PCDHGB1: variants seen among roughly 807,000 people sequenced by gnomAD.
PCDHGB1 encodes protocadherin gamma subfamily B, 1.
A neutral mutation model predicts 56.6 loss-of-function variants in PCDHGB1; 34 were observed. The ratio of observed to expected loss-of-function variants is 0.60; its 90% CI spans 0.46 to 0.80. PCDHGB1 has a LOEUF of 0.80. Ranked by LOEUF, PCDHGB1 falls within the 30% of genes least tolerant of loss-of-function variation. The pLI, the probability that PCDHGB1 is intolerant of heterozygous loss-of-function variation, is 0.00. For missense variants in PCDHGB1, 1,278 were observed against 1,204.6 expected (o/e 1.06, Z -0.90); for synonymous variants, 561 against 505.9 (o/e 1.11, Z -1.46).
In PCDHGB1 at chr5:141,432,113, T is replaced by G. The variant is rs1174697940; in HGVS notation, c.2410-62694T>G. 1 of 1,614,078 alleles carries G rather than the reference T, an allele frequency of 6.2e-7. No homozygotes were observed. The highest frequency in any genetic ancestry group is 8.5e-7 in the Non-Finnish European group (1 of 1,180,006). On this transcript the variant is annotated intron_variant, in intron 1 of 3. Coordinates refer to ENST00000523390, the MANE Select transcript of PCDHGB1 (RefSeq NM_018922.3). The surrounding 1 kb of genome is among the most constrained non-coding windows in gnomAD (Gnocchi z 6.0). ...AGACACCAACGACAACCCGCCGGTC[T>G]TCCCTCAGGCCTCCTATTCCGCTTA... is the stretch of plus-strand genomic sequence containing the variant.
intron 1 of PCDHGB1, among the ~76,000 whole-genome samples, chr5:141,466,558 C>T (rs1407160827): frequency 6.6e-6 from 1 of 152,120 alleles, no homozygotes; most frequent in Non-Finnish European, 1.5e-5. Flanking sequence ...CTGTGGGCTT[C>T]ATCTTCAACA....
chr5:141,415,761 T>G (rs1047830043), intron 1 of PCDHGB1: 49 of 1,399,492 alleles, frequency 3.5e-5, no homozygotes, highest in Admixed American at 1.6e-4. Context: ...TTTTTTTTTT[T>G]TTTTTTTTTT....
intron 1 of PCDHGB1, among the ~76,000 whole-genome samples, chr5:141,459,111 A>G (rs2098961190): frequency 1.3e-5 from 2 of 152,218 alleles, no homozygotes; most frequent in Non-Finnish European, 2.9e-5. Flanking sequence ...CATTTTGACA[A>G]TTGTTTACAT....
rs1045001776 is a variant in PCDHGB1 at position 141,356,756 on chromosome 5, C to T, written c.2409+4087C>T. 3.1e-6 allele frequency: 5 copies of T among 1,613,976 alleles called. No homozygotes were observed. In the South Asian group the frequency reaches 4.4e-5, roughly 14 times the overall value. On this transcript the variant is annotated intron_variant, in intron 1 of 3. Coordinates refer to ENST00000523390, the MANE Select transcript of PCDHGB1 (RefSeq NM_018922.3). ...ACAGGGATCCTATATGCTCTTTGCT[C>T]CTTCGACTATGAGCAGTTTAGAGAC...
chr5:141,420,022 T>A, intron 1 of PCDHGB1: 3 of 1,614,104 alleles, frequency 1.9e-6, no homozygotes, highest in Middle Eastern at 3.3e-4. Flanking sequence ...CTTTCAGCCC[T>A]ACTGCAGGAG....
intron 1 of PCDHGB1, chr5:141,382,927 T>G: frequency 6.3e-7 from 1 of 1,579,076 alleles, no homozygotes; most frequent in Non-Finnish European, 8.6e-7. Context: ...GGGCGGGGAC[T>G]ACAGAGGATT....
At chr5:141,405,218 G>T in intron 1 of PCDHGB1, 1 of 1,613,986 alleles carries the variant, frequency 6.2e-7, no homozygotes, top group Non-Finnish European at 8.5e-7. Flanking sequence ...CTATTCTCAG[G>T]AGTTCTCCCT....
Position 141,493,760 on chromosome 5 carries a change from G to C in PCDHGB1, c.2410-1047G>C, listed in dbSNP as rs1268832909. On this transcript the variant is annotated intron_variant, in intron 1 of 3. Coordinates refer to ENST00000523390, the MANE Select transcript of PCDHGB1 (RefSeq NM_018922.3). The surrounding 1 kb of genome is among the most constrained non-coding windows in gnomAD (Gnocchi z 4.3). ...ACTGCCACCTGTGAGCCTTGAGTGA[G>C]CCACTGGCAGTTCCGGAGCTTCCTT... Among the ~76,000 whole-genome samples, 1 of 152,166 alleles carries C rather than the reference G, an allele frequency of 6.6e-6. No individual in the cohort carries two copies. The highest frequency in any genetic ancestry group is 1.5e-5 in the Non-Finnish European group (1 of 68,022).
chr5:141,421,923 G>T (rs2096611568), intron 1 of PCDHGB1: 1 of 1,613,590 alleles, frequency 6.2e-7, no homozygotes. Flanking sequence ...TTCGTGTGGT[G>T]GTCCTCGATG....
intron 1 of PCDHGB1, chr5:141,384,422 A>C: frequency 6.2e-7 from 1 of 1,613,924 alleles, no homozygotes; most frequent in Non-Finnish European, 8.5e-7. Flanking sequence ...GTCTCCATAA[A>C]CTCTGACACT....
At position 141,487,385 on chromosome 5, in the gene PCDHGB1, CGAA is replaced by C; in HGVS notation, c.2410-7420_2410-7418del. 6.2e-7 allele frequency: 1 copy of C among 1,614,160 alleles called. No individual in the cohort carries two copies. The highest frequency in any genetic ancestry group is 8.5e-7 in the Non-Finnish European group (1 of 1,180,046). On this transcript the variant is annotated intron_variant, in intron 1 of 3. Coordinates refer to ENST00000523390, the MANE Select transcript of PCDHGB1 (RefSeq NM_018922.3). The surrounding 1 kb of genome is among the most constrained non-coding windows in gnomAD (Gnocchi z 5.0). ...CACCTGTGCCTGTCTCACCAGATCTCGAAGGAGGGAGGGGCTTCCCCCTTCCAA... is the reference window on the plus strand; with the variant it reads ...CACCTGTGCCTGTCTCACCAGATCTCGGAGGGAGGGGCTTCCCCCTTCCAA...
chr5:141,372,221 G>A (rs1229058896), intron 1 of PCDHGB1: 1 of 1,613,398 alleles, frequency 6.2e-7, no homozygotes, highest in African/African-American at 1.3e-5. Context: ...ACCACATTGT[G>A]CAGGCCAGCG....
intron 1 of PCDHGB1, chr5:141,471,509 TA>T (rs1211467109): frequency 6.6e-6 from 1 of 152,008 alleles, no homozygotes; most frequent in Non-Finnish European, 1.5e-5. Context: ...AGAGAGGGAG[TA>T]AAAATAACAG....
intron 1 of PCDHGB1, among the ~76,000 whole-genome samples, chr5:141,454,796 ATTTTTTTTTTTTT>A (rs61612330): frequency 7.8e-5 from 6 of 77,408 alleles, no homozygotes; most frequent in African/African-American, 1.2e-4. Flanking sequence ...CATGGTTCTA[ATTTTTTTTTTTTT>A]TTTTTTTTTT....
intron 2 of PCDHGB1, among the ~76,000 whole-genome samples, chr5:141,499,689 C>CTTTTTTT (rs545067566): frequency 3.3e-5 from 4 of 119,856 alleles, no homozygotes; most frequent in Admixed American, 8.7e-5. Context: ...TAACAGATGA[C>CTTTTTTT]TTTTTTTTTT....
At position 141,433,110 on chromosome 5, in the gene PCDHGB1, G is replaced by A. The variant is rs1031253372; in HGVS notation, c.2410-61697G>A. On this transcript the variant is annotated intron_variant, in intron 1 of 3. Coordinates refer to ENST00000523390, the MANE Select transcript of PCDHGB1 (RefSeq NM_018922.3). Reference sequence around the variant, plus strand: ...GCAGACATGCTCGTCAGCCAGGAGAGCTTTGAAAAAAGCGAGCCCCTTTTG... The same window carrying A: ...GCAGACATGCTCGTCAGCCAGGAGAACTTTGAAAAAAGCGAGCCCCTTTTG... 3.1e-6 allele frequency: 5 copies of A among 1,613,982 alleles called. No homozygotes were observed. The African/African-American group carries it at 5.3e-5, about 17-fold the overall frequency.
chr5:141,432,873 T>A lies in PCDHGB1; in HGVS notation c.2410-61934T>A, dbSNP rs753576338. ...GTGGCCGCGGTCTCCTGCGTCTTCCTGGCCTTCGTCATCTTGCTGCTGGCG... is the reference window on the plus strand; with the variant it reads ...GTGGCCGCGGTCTCCTGCGTCTTCCAGGCCTTCGTCATCTTGCTGCTGGCG... On this transcript the variant is annotated intron_variant, in intron 1 of 3. Transcript: ENST00000523390. This position sits in a 1 kb window ranked among gnomAD's most constrained non-coding sequence, Gnocchi z 6.0. 1.4e-5 allele frequency: 22 copies of A among 1,614,204 alleles called. No individual in the cohort carries two copies. The highest frequency in any genetic ancestry group is 3.3e-4 in the Middle Eastern group (2 of 6,062).
At chr5:141,414,936 G>T in intron 1 of PCDHGB1, 1 of 1,614,118 alleles carries the variant, frequency 6.2e-7, no homozygotes, top group South Asian at 1.1e-5. Context: ...GCTCCGCAGA[G>T]CCCGGCTACC....
At chr5:141,419,422 C>T (rs374564347) in intron 1 of PCDHGB1, 9 of 1,613,378 alleles carry the variant, frequency 5.6e-6, no homozygotes, top group Non-Finnish European at 7.6e-6. Flanking sequence ...GCGCCTTCGA[C>T]CACGAGCAGC....
Sources: allele counts gnomAD v4.1 joint callset (sites outside exome capture counted in the v4.1 genomes callset), GRCh38; gene constraint gnomAD v4.1.1; non-coding constraint Gnocchi (gnomAD v3.1); transcripts MANE v1.5; gene names NCBI Gene and HGNC (gene_info 2026-07-23, HGNC 2026-07-21).